Variants in CDH13 observed in about 807,000 individuals in gnomAD.
CDH13 encodes the protein cadherin-13.
A neutral mutation model predicts 63.8 loss-of-function variants in CDH13; 24 were observed. The observed-to-expected ratio is 0.38, with a 90% CI of 0.27 to 0.53. CDH13 has a LOEUF of 0.53. Ranked by LOEUF, CDH13 falls within the 20% of genes least tolerant of loss-of-function variation. CDH13 has a pLI of 0.85. For synonymous variants in CDH13, 503 were observed against 355.3 expected, an observed-to-expected ratio of 1.42 and a Z score of -4.67; for missense variants, 1,049 against 903.1, an observed-to-expected ratio of 1.16 and a Z score of -2.07.
intron 2 of CDH13, among the ~76,000 whole-genome samples, chr16:82,862,345 C>T (rs149744644): frequency 5.3e-5 from 8 of 152,314 alleles, no homozygotes; most frequent in East Asian, 1.9e-4. Flanking sequence ...ATCTGACTAT[C>T]CTATGTTCTG....
chr16:83,031,635 G>A (rs777427473), intron 2 of CDH13, among the ~76,000 whole-genome samples: 22 of 151,844 alleles, frequency 1.4e-4, no homozygotes, highest in Admixed American at 6.6e-5. Flanking sequence ...ACTCTGTGCA[G>A]CTCTCCTCAA....
Position 82,644,509 on chromosome 16 carries a change from C to T in CDH13, c.45+17372C>T, listed in dbSNP as rs570572026. Among the ~76,000 whole-genome samples the T allele has an allele frequency of 9.5e-4, 145 of 152,248 alleles. 1 individual carries two copies. Among genetic ancestry groups the T allele is most frequent in the Non-Finnish European group, 1.6e-3 (111 of 68,022 alleles). On this transcript the variant is annotated intron_variant, in intron 1 of 13. Transcript: ENST00000567109. The surrounding 1 kb of genome is among the most constrained non-coding windows in gnomAD (Gnocchi z 5.7). ...AAGCCATTAGCCATGCACAGTGAAA[C>T]AAGGAAAGCAGCCTAGAGCTGGTCC...
intron 5 of CDH13, among the ~76,000 whole-genome samples, chr16:83,287,888 G>T (rs1396044233): frequency 6.6e-6 from 1 of 152,096 alleles, no homozygotes. Context: ...CAAAATTAAT[G>T]CATAGAAGTC....
At chr16:82,895,455 A>C (rs1259671908) in intron 2 of CDH13, among the ~76,000 whole-genome samples, 1 of 152,128 alleles carries the variant, frequency 6.6e-6, no homozygotes, top group Admixed American at 6.5e-5. Context: ...TTAAGAGTAA[A>C]GGCCCAGACT....
chr16:83,574,206 T>A (rs1279158784), intron 7 of CDH13, among the ~76,000 whole-genome samples: 1 of 152,208 alleles, frequency 6.6e-6, no homozygotes, highest in African/African-American at 2.4e-5. Flanking sequence ...TATGCTGATG[T>A]TGCTATTGTC....
At chr16:83,525,995 A>G (rs953860025) in intron 7 of CDH13, among the ~76,000 whole-genome samples, 1 of 152,212 alleles carries the variant, frequency 6.6e-6, no homozygotes, top group African/African-American at 2.4e-5. Context: ...TCCAGTAGCT[A>G]GATGTTAGCC....
intron 7 of CDH13, among the ~76,000 whole-genome samples, chr16:83,499,658 C>G (rs190460034): frequency 6.6e-6 from 1 of 152,356 alleles, no homozygotes; most frequent in East Asian, 1.9e-4. Flanking sequence ...ATGCCTCTCT[C>G]AAAGGGCTGT....
intron 5 of CDH13, among the ~76,000 whole-genome samples, chr16:83,341,502 A>G (rs2090721451): frequency 6.6e-6 from 1 of 152,216 alleles, no homozygotes; most frequent in African/African-American, 2.4e-5. Context: ...TTTCATCCAC[A>G]TCATTAATAA....
chr16:83,137,997 G>A (rs561244603), intron 4 of CDH13, among the ~76,000 whole-genome samples: 1 of 152,094 alleles, frequency 6.6e-6, no homozygotes, highest in Admixed American at 6.5e-5. Context: ...GGGTGGCTGG[G>A]AACAGTCCCT....
chr16:83,660,797 A>G (rs1292216198), intron 8 of CDH13, among the ~76,000 whole-genome samples: 1 of 152,262 alleles, frequency 6.6e-6, no homozygotes, highest in East Asian at 1.9e-4. Flanking sequence ...TCTCCGAATT[A>G]AACTATTTTC....
At chr16:83,169,185 C>CTTT (rs148647688) in intron 4 of CDH13, among the ~76,000 whole-genome samples, 25,708 of 148,416 alleles carry the variant, frequency 0.17, 2,249 homozygotes, top group South Asian at 0.19. Context: ...CTTAGGTTTC[C>CTTT]TTTTTTTTTT....
chr16:82,815,012 T>G (rs1158393904), intron 1 of CDH13, among the ~76,000 whole-genome samples: 1 of 152,166 alleles, frequency 6.6e-6, no homozygotes, highest in East Asian at 1.9e-4. Flanking sequence ...AACATTTTGT[T>G]TTTTTTTCTA....
intron 10 of CDH13, among the ~76,000 whole-genome samples, chr16:83,708,590 G>A (rs773547859): frequency 2.4e-4 from 37 of 152,062 alleles, no homozygotes; most frequent in Non-Finnish European, 4.1e-4. Context: ...CGCCCACACC[G>A]CCTCCACTCC....
chr16:83,360,435 G>C (rs1399546627), intron 6 of CDH13, among the ~76,000 whole-genome samples: 2 of 152,048 alleles, frequency 1.3e-5, no homozygotes, highest in Middle Eastern at 3.4e-3. Flanking sequence ...TTTCATGGTA[G>C]ATCTATTTTT....
intron 1 of CDH13, among the ~76,000 whole-genome samples, chr16:82,805,218 G>C (rs774872066): frequency 6.6e-6 from 1 of 152,188 alleles, no homozygotes; most frequent in Non-Finnish European, 1.5e-5. Flanking sequence ...GTTGGTGGGA[G>C]AGAGGTCTTG....
At chr16:83,623,447 T>C (rs1909997005) in intron 8 of CDH13, among the ~76,000 whole-genome samples, 2 of 152,156 alleles carry the variant, frequency 1.3e-5, no homozygotes, top group South Asian at 4.1e-4. Context: ...CTTCTGGGGC[T>C]CCTTGAGGGC....
intron 5 of CDH13, among the ~76,000 whole-genome samples, chr16:83,268,555 T>C (rs2088695830): frequency 6.6e-6 from 1 of 152,224 alleles, no homozygotes; most frequent in Non-Finnish European, 1.5e-5. Context: ...TTTAAGGATA[T>C]ATAAATTACA....
At chr16:83,028,597 C>G (rs147290695) in intron 2 of CDH13, among the ~76,000 whole-genome samples, 2 of 152,124 alleles carry the variant, frequency 1.3e-5, no homozygotes, top group Admixed American at 6.5e-5. Context: ...TACTACCCAA[C>G]CCTATATATG....
intron 3 of CDH13, among the ~76,000 whole-genome samples, chr16:83,034,579 C>G (rs74030367): frequency 0.052 from 7,907 of 152,258 alleles, 229 homozygotes; most frequent in African/African-American, 0.074. Context: ...ACAGCAAAAA[C>G]AATGTTCCAT....
Sources: gnomAD v4.1 joint callset for allele counts (sites outside exome capture counted in the v4.1 genomes callset) on GRCh38, gnomAD v4.1.1 for gene constraint, Gnocchi (gnomAD v3.1) non-coding constraint, MANE v1.5 for transcripts, NCBI Gene and HGNC (gene_info 2026-07-23, HGNC 2026-07-21) for gene names.